Variants in ASB3 observed in about 807,000 individuals in gnomAD.
ASB3 encodes the protein ankyrin repeat and SOCS box containing 3.
A neutral mutation model predicts 54.5 loss-of-function variants in ASB3; 41 were observed. The observed-to-expected ratio is 0.75, with a 90% CI of 0.59 to 0.98. ASB3 has a LOEUF of 0.98. Among genes scored for constraint, ASB3 ranks in the 50% least tolerant of loss-of-function variants. The pLI is 0.00. For synonymous variants in ASB3, 266 were observed against 221.2 expected (o/e 1.20, Z -1.80); for missense variants, 733 against 620.0 (o/e 1.18, Z -1.94).
Position 53,670,409 on chromosome 2 carries a change from G to C in ASB3, c.*94C>G, listed in dbSNP as rs1667750549. 2 of 1,298,582 alleles carry C rather than the reference G, an allele frequency of 1.5e-6. No individual in the cohort carries two copies. Among genetic ancestry groups the C allele is most frequent in the Admixed American group, 6.6e-5 (2 of 30,102 alleles). The allele number at this position is 1,298,582 out of a possible 1,614,324, so 80.4% of individuals were successfully genotyped here. A position where few individuals can be genotyped will look rare whatever the true frequency, so the allele number is the denominator to read the frequency against. ...ATCTCACAATCAATAATCATCTTTT[G>C]ACTATAAAATCATAAAAACTTGTAC... On this transcript the variant is annotated 3_prime_UTR_variant, in exon 10 of 10. Transcript: ENST00000263634.
At chr2:53,711,752 C>G (rs906767060) in intron 7 of ASB3, among the ~76,000 whole-genome samples, 1 of 150,808 alleles carries the variant, frequency 6.6e-6, no homozygotes, top group South Asian at 2.1e-4. Context: ...CCAGTCTGGG[C>G]AACACAGCGA....
intron 9 of ASB3, among the ~76,000 whole-genome samples, chr2:53,691,272 G>A (rs764626685): frequency 1.3e-5 from 2 of 152,110 alleles, no homozygotes; most frequent in Non-Finnish European, 2.9e-5. Context: ...GGGGAGGAAA[G>A]AATAATTTTG....
At chr2:53,769,659 C>A (rs1053502462) in intron 1 of ASB3, among the ~76,000 whole-genome samples, 5 of 152,154 alleles carry the variant, frequency 3.3e-5, no homozygotes, top group African/African-American at 1.2e-4. Context: ...CCAGCCTGAC[C>A]AACATGGAGA....
At chr2:53,715,052 G>A (rs1670310484) in intron 6 of ASB3, among the ~76,000 whole-genome samples, 1 of 151,738 alleles carries the variant, frequency 6.6e-6, no homozygotes, top group Non-Finnish European at 1.5e-5. Context: ...ATGATAACTG[G>A]CATGAAATTA....
intron 1 of ASB3, among the ~76,000 whole-genome samples, chr2:53,784,732 C>G (rs1674840696): frequency 1.3e-5 from 2 of 152,178 alleles, no homozygotes; most frequent in Non-Finnish European, 2.9e-5. Context: ...ATACCAGTCA[C>G]CAGATTAGGG....
intron 1 of ASB3, chr2:53,775,113 CTT>C (rs934186216): frequency 2.0e-5 from 3 of 152,522 alleles, no homozygotes; most frequent in African/African-American, 7.2e-5. Flanking sequence ...TACTGTACCT[CTT>C]CTTTTTTAAA....
At chr2:53,730,994 A>G (rs932782202) in intron 3 of ASB3, among the ~76,000 whole-genome samples, 1 of 152,196 alleles carries the variant, frequency 6.6e-6, no homozygotes, top group Non-Finnish European at 1.5e-5. Flanking sequence ...ACAAGAAATG[A>G]TAAGCGTGCT....
intron 5 of ASB3, among the ~76,000 whole-genome samples, chr2:53,727,311 T>C (rs1671057580): frequency 6.6e-6 from 1 of 152,116 alleles, no homozygotes; most frequent in South Asian, 2.1e-4. Context: ...TGTTTGAAGG[T>C]TTCTAAAAGA....
intron 1 of ASB3, among the ~76,000 whole-genome samples, chr2:53,768,488 G>A (rs1166588056): frequency 6.6e-6 from 1 of 152,218 alleles, no homozygotes; most frequent in Non-Finnish European, 1.5e-5. Flanking sequence ...GATTAAACGT[G>A]CATGTTACTT....
intron 8 of ASB3, among the ~76,000 whole-genome samples, chr2:53,698,605 T>A (rs1412839224): frequency 2.0e-5 from 3 of 152,230 alleles, no homozygotes; most frequent in Non-Finnish European, 4.4e-5. Context: ...CATAAAGTCC[T>A]TAGGCATAGA....
chr2:53,786,759 G>A (rs767161121), intron 1 of ASB3, 62 bp downstream of exon 1: 112 of 166,304 alleles, frequency 6.7e-4, no homozygotes, highest in Admixed American at 5.4e-4. Flanking sequence ...ACCTCTGCCT[G>A]CCCACTGGAG....
chr2:53,718,642 A>G (rs1420675185), intron 5 of ASB3, among the ~76,000 whole-genome samples: 1 of 152,134 alleles, frequency 6.6e-6, no homozygotes, highest in Non-Finnish European at 1.5e-5. Flanking sequence ...CAACTTAATA[A>G]TAGGATCAAA....
At chr2:53,671,493 C>T (rs1667816848) in intron 9 of ASB3, among the ~76,000 whole-genome samples, 1 of 152,106 alleles carries the variant, frequency 6.6e-6, no homozygotes, top group South Asian at 2.1e-4. Flanking sequence ...GGCGCGGTGG[C>T]TCATGCCTGT....
intron 7 of ASB3, among the ~76,000 whole-genome samples, chr2:53,705,609 T>C (rs1669726944): frequency 6.6e-6 from 1 of 152,208 alleles, no homozygotes; most frequent in South Asian, 2.1e-4. Flanking sequence ...TGTAAATTTA[T>C]ATCTTTATCC....
At chr2:53,754,785 T>G (rs556016392) in intron 2 of ASB3, among the ~76,000 whole-genome samples, 2 of 152,308 alleles carry the variant, frequency 1.3e-5, no homozygotes, top group East Asian at 3.9e-4. Flanking sequence ...GATATGCAAT[T>G]TAAGTACTGT....
intron 9 of ASB3, among the ~76,000 whole-genome samples, chr2:53,679,270 T>C (rs1668239917): frequency 6.6e-6 from 1 of 152,160 alleles, no homozygotes; most frequent in East Asian, 1.9e-4. Context: ...CCTGCAGGGT[T>C]TTGCTCTGCA....
At chr2:53,750,168 C>G (rs1402257037) in intron 3 of ASB3, among the ~76,000 whole-genome samples, 1 of 152,040 alleles carries the variant, frequency 6.6e-6, no homozygotes, top group Admixed American at 6.6e-5. Context: ...TCAATTTTCT[C>G]ATGTTCCACT....
intron 3 of ASB3, among the ~76,000 whole-genome samples, 153 bp downstream of exon 3, chr2:53,750,630 T>A (rs1268466832): frequency 6.6e-6 from 1 of 152,118 alleles, no homozygotes; most frequent in Non-Finnish European, 1.5e-5. Flanking sequence ...TTTAAAAATA[T>A]CTTTTCAGTT....
In ASB3 at chr2:53,728,770, A is replaced by C; in HGVS notation, c.546T>G (p.Pro182=). 2 of 1,612,726 alleles carry C rather than the reference A, an allele frequency of 1.2e-6. No homozygotes were observed. The highest frequency in any genetic ancestry group is 1.7e-6 in the Non-Finnish European group (2 of 1,179,310). ...KECQDDFGIT[P]LFVAAQYGKL... is the part of the protein sequence containing the mutation. ...TGCCATACTGAGCAGCCACAAATAA[A>C]GGTGTGATTCCAAAGTCATCCTGGC... Residue 182 remains proline (P), a synonymous_variant, in exon 5 of 10, where the codon CCT becomes CCG. Transcript: ENST00000263634.
Sources: gnomAD v4.1 joint callset for allele counts (sites outside exome capture counted in the v4.1 genomes callset) on GRCh38, gnomAD v4.1.1 for gene constraint, MANE v1.5 for transcripts, NCBI Gene and HGNC (gene_info 2026-07-23, HGNC 2026-07-21) for gene names.